CERS3: variants seen among roughly 807,000 people sequenced by gnomAD.
The protein encoded by CERS3 is LAG1 homolog, ceramide synthase 3.
CERS3 carries 33 observed loss-of-function variants against 50.3 expected under a neutral mutation model. The ratio of observed to expected loss-of-function variants is 0.66; its 90% CI spans 0.50 to 0.88. The LOEUF is 0.88. CERS3 is among the 40% of genes least tolerant of loss of function. The probability of loss-of-function intolerance (pLI) is 0.00; values close to 1 mark genes in which losing one functional copy is unlikely to be tolerated. For missense variants in CERS3, 470 were observed against 460.3 expected, an observed-to-expected ratio of 1.02 and a Z score of -0.19; for synonymous variants, 176 against 155.2, an observed-to-expected ratio of 1.13 and a Z score of -0.99.
intron 8 of CERS3, among the ~76,000 whole-genome samples, chr15:100,475,071 CT>C (rs1329122914): frequency 5.3e-5 from 8 of 152,114 alleles, no homozygotes; most frequent in African/African-American, 1.9e-4. Context: ...TATATAAAGA[CT>C]TTCTAAAAAA....
chr15:100,474,546 A>G (rs2035065310), intron 8 of CERS3, among the ~76,000 whole-genome samples: 1 of 152,180 alleles, frequency 6.6e-6, no homozygotes, highest in Non-Finnish European at 1.5e-5. Context: ...CTGGGACTAC[A>G]GGCATGTGCC....
intron 10 of CERS3, among the ~76,000 whole-genome samples, chr15:100,456,698 G>A (rs1316957288): frequency 2.0e-5 from 3 of 152,160 alleles, no homozygotes; most frequent in Admixed American, 6.5e-5. Context: ...TGTAATACCA[G>A]CACTTTGGGA....
At chr15:100,429,282 C>T (rs2032991031) in intron 11 of CERS3, among the ~76,000 whole-genome samples, 1 of 152,146 alleles carries the variant, frequency 6.6e-6, no homozygotes, top group Non-Finnish European at 1.5e-5. Flanking sequence ...TGGAAGGAGC[C>T]CAGCTGGCAT....
chr15:100,413,509 CG>C (rs2031642706), intron 11 of CERS3, among the ~76,000 whole-genome samples: 3 of 136,214 alleles, frequency 2.2e-5, no homozygotes, highest in Non-Finnish European at 4.8e-5. Flanking sequence ...ACACAACTGA[CG>C]ACTATACTAT....
chr15:100,440,596 G>A lies in CERS3; in HGVS notation c.999+15297C>T, dbSNP rs145660609. 7.7e-3 allele frequency among the ~76,000 whole-genome samples: 1,171 copies of A among 152,318 alleles called. 22 individuals carry two copies. The highest frequency in any genetic ancestry group is 0.049 in the Admixed American group (748 of 15,296). On this transcript the variant is annotated intron_variant, in intron 11 of 11. Transcript: ENST00000679737. ...AGCCTGTTTGGTGGTCTCTTCACAC[G>A]GACGTGCGTGAAATTTGGTGCTGTG...
At position 100,501,838 on chromosome 15, in the gene CERS3, C is replaced by T. The variant is rs77089459; in HGVS notation, c.12G>A (p.Thr4=). 102,699 of 1,613,254 alleles carry T rather than the reference C, an allele frequency of 0.064. 3,886 individuals are homozygous for T. The highest frequency in any genetic ancestry group is 0.075 in the Non-Finnish European group (87,925 of 1,179,360). Residue 4 remains threonine, a synonymous_variant, in exon 3 of 12, where the codon ACG becomes ACA. Coordinates refer to ENST00000679737, the MANE Select transcript of CERS3 (RefSeq NM_001378789.1). The part of the protein sequence containing the change: MFW[T]FKEWFWLERF... ...TTTCCAACCAGAACCATTCTTTAAA[C>T]GTCCAAAACATTCTAGAGAAATGGA...
At chr15:100,447,610 T>C (rs2033992581) in intron 11 of CERS3, among the ~76,000 whole-genome samples, 1 of 152,246 alleles carries the variant, frequency 6.6e-6, no homozygotes, top group South Asian at 2.1e-4. Flanking sequence ...GTTATGATTT[T>C]AAGACAAAGC....
At chr15:100,440,964 G>A (rs986723644) in intron 11 of CERS3, among the ~76,000 whole-genome samples, 2 of 152,166 alleles carry the variant, frequency 1.3e-5, no homozygotes, top group Non-Finnish European at 2.9e-5. Flanking sequence ...CCTTCCCTTG[G>A]TGTTTAATCA....
chr15:100,520,246 A>G (rs970613964), intron 2 of CERS3, among the ~76,000 whole-genome samples: 4 of 152,226 alleles, frequency 2.6e-5, no homozygotes, highest in African/African-American at 9.6e-5. Flanking sequence ...GGCTCCTAGC[A>G]GAGCAGGACA....
At chr15:100,509,840 T>A (rs2036289059) in intron 2 of CERS3, among the ~76,000 whole-genome samples, 1 of 152,242 alleles carries the variant, frequency 6.6e-6, no homozygotes, top group African/African-American at 2.4e-5. Flanking sequence ...GGGGCTAGAA[T>A]GCATTTTTGA....
intron 10 of CERS3, among the ~76,000 whole-genome samples, chr15:100,468,807 G>A (rs2034867853): frequency 1.3e-5 from 2 of 152,194 alleles, no homozygotes; most frequent in Admixed American, 6.5e-5. Flanking sequence ...TCAACAGACT[G>A]ATCGAGAGCC....
At chr15:100,536,615 A>G (rs1891342357) in intron 1 of CERS3, among the ~76,000 whole-genome samples, 1 of 152,250 alleles carries the variant, frequency 6.6e-6, no homozygotes, top group South Asian at 2.1e-4. Flanking sequence ...AGGAGCTAAG[A>G]CTACATAATA....
intron 11 of CERS3, among the ~76,000 whole-genome samples, chr15:100,432,770 C>T (rs368058163): frequency 7.9e-5 from 12 of 151,958 alleles, no homozygotes; most frequent in Non-Finnish European, 1.6e-4. Context: ...CACGTACGTT[C>T]GAAAGAATTG....
At chr15:100,485,874 A>C (rs2035469489) in intron 4 of CERS3, among the ~76,000 whole-genome samples, 1 of 151,980 alleles carries the variant, frequency 6.6e-6, no homozygotes, top group South Asian at 2.1e-4. Flanking sequence ...TAAATAAATA[A>C]ATACATAAAT....
chr15:100,512,305 G>A (rs2036366371), intron 2 of CERS3, among the ~76,000 whole-genome samples: 1 of 152,180 alleles, frequency 6.6e-6, no homozygotes, highest in African/African-American at 2.4e-5. Flanking sequence ...GGGTCATGTA[G>A]CAACATGGTG....
At chr15:100,427,444 G>C (rs1483504643) in intron 11 of CERS3, among the ~76,000 whole-genome samples, 1 of 152,162 alleles carries the variant, frequency 6.6e-6, no homozygotes, top group Non-Finnish European at 1.5e-5. Context: ...GCCATTACGT[G>C]AGGCTATTCT....
chr15:100,477,292 G>A (rs1040096144), intron 7 of CERS3, among the ~76,000 whole-genome samples: 3 of 152,114 alleles, frequency 2.0e-5, no homozygotes, highest in Non-Finnish European at 2.9e-5. Context: ...GTCCCTTATT[G>A]TCTAATTTTA....
At chr15:100,413,750 C>A (rs1179419972) in intron 11 of CERS3, among the ~76,000 whole-genome samples, 1 of 143,378 alleles carries the variant, frequency 7.0e-6, no homozygotes, top group Admixed American at 7.2e-5. Flanking sequence ...TTTAACCTAA[C>A]CACCAACCCC....
intron 11 of CERS3, among the ~76,000 whole-genome samples, chr15:100,408,332 T>C (rs550992180): frequency 6.6e-6 from 1 of 152,290 alleles, no homozygotes; most frequent in Admixed American, 6.5e-5. Context: ...CTGATGACAT[T>C]TGAGTTACCA....
Sources: allele counts gnomAD v4.1 joint callset (sites outside exome capture counted in the v4.1 genomes callset), GRCh38; gene constraint gnomAD v4.1.1; transcripts MANE v1.5; gene names NCBI Gene and HGNC (gene_info 2026-07-23, HGNC 2026-07-21).